PCDHGB4: variants seen among roughly 807,000 people sequenced by gnomAD.
PCDHGB4 encodes protocadherin gamma-B4.
A neutral mutation model predicts 60.5 loss-of-function variants in PCDHGB4; 38 were observed. The ratio of observed to expected loss-of-function variants is 0.63; its 90% CI spans 0.48 to 0.82. The LOEUF is 0.82. Among genes scored for constraint, PCDHGB4 ranks in the 40% least tolerant of loss-of-function variants. The probability of loss-of-function intolerance (pLI) is 0.00; values close to 1 mark genes in which losing one functional copy is unlikely to be tolerated. For missense variants in PCDHGB4, 1,109 were observed against 1,209.6 expected (o/e 0.92, Z 1.23); for synonymous variants, 456 against 509.7 (o/e 0.89, Z 1.42).
chr5:141,400,368 C>T lies in PCDHGB4; in HGVS notation c.2397+10087C>T. On this transcript the variant is annotated intron_variant, in intron 1 of 3. Coordinates refer to ENST00000519479, the MANE Select transcript of PCDHGB4 (RefSeq NM_003736.4). ...ACAGTCAGGGGACTTTGCCTTATTC[C>T]TACAACCTATGTGTTGCACATACAG... is the stretch of plus-strand genomic sequence containing the variant. 8.1e-6 allele frequency: 13 copies of T among 1,614,044 alleles called. No homozygotes were observed. The highest frequency in any genetic ancestry group is 1.6e-4 in the Middle Eastern group (1 of 6,062).
At chr5:141,442,006 G>T (rs540427406) in intron 1 of PCDHGB4, 2 of 229,074 alleles carry the variant, frequency 8.7e-6, no homozygotes, top group South Asian at 4.9e-5. Flanking sequence ...CTGACAGCTC[G>T]CACGATGGGC....
At chr5:141,428,255 G>C in intron 1 of PCDHGB4, 1 of 875,580 alleles carries the variant, frequency 1.1e-6, no homozygotes, top group Non-Finnish European at 1.8e-6. Flanking sequence ...CCAGACTTCA[G>C]TGACAGTCCT....
rs777535962 is a variant in PCDHGB4, at chr5:141,431,195, G to T, written c.2397+40914G>T. The T allele has an allele frequency of 1.2e-6, 2 of 1,614,166 alleles. No homozygotes were observed. Among genetic ancestry groups the T allele is most frequent in the East Asian group, 2.2e-5 (1 of 44,890 alleles). On this transcript the variant is annotated intron_variant, in intron 1 of 3. Transcript: ENST00000519479. The surrounding 1 kb of genome is among the most constrained non-coding windows in gnomAD (Gnocchi z 4.8). ...ATTAGAAATAAAAATTAGTGAAAAT[G>T]CAGCCACTGAGATGCGGTTCCCTCT... is the stretch of plus-strand genomic sequence containing the variant.
intron 1 of PCDHGB4, among the ~76,000 whole-genome samples, chr5:141,456,297 A>G (rs537379475): frequency 6.6e-6 from 1 of 152,274 alleles, no homozygotes; most frequent in African/African-American, 2.4e-5. Context: ...CGTCTAATGG[A>G]GAACAGCAGC....
Position 141,419,013 on chromosome 5 carries a change from G to C in PCDHGB4, c.2397+28732G>C, listed in dbSNP as rs746229802. The C allele has an allele frequency of 6.9e-5, 111 of 1,613,840 alleles. No individual in the cohort carries two copies. In the East Asian group the frequency reaches 2.4e-3, roughly 35 times the overall value. ...GGGGAAAATGGGGAAGTCAGGTGTA[G>C]CTTAAGTAGAGGTGTTCCATTTAAG... is the stretch of plus-strand genomic sequence containing the variant. On this transcript the variant is annotated intron_variant, in intron 1 of 3. Transcript: ENST00000519479.
chr5:141,497,858 C>T (rs920483410), intron 2 of PCDHGB4, among the ~76,000 whole-genome samples: 3 of 152,218 alleles, frequency 2.0e-5, no homozygotes, highest in Non-Finnish European at 2.9e-5. Flanking sequence ...TTTGATTCAG[C>T]GGCTCCAAAG....
chr5:141,398,799 C>T (rs2093705548), intron 1 of PCDHGB4: 3 of 1,613,848 alleles, frequency 1.9e-6, no homozygotes, highest in East Asian at 2.2e-5. Context: ...CCCTAAGCGG[C>T]ACCACTGAGC....
intron 1 of PCDHGB4, chr5:141,414,450 A>C (rs759840643): frequency 9.3e-6 from 15 of 1,613,772 alleles, no homozygotes. Context: ...ACAATATCAC[A>C]GTGACAGCCA....
In PCDHGB4 at chr5:141,486,217, T is replaced by C; in HGVS notation, c.2398-8590T>C. ...TGCTGGACGTAAATGACAATGCCCC[T>C]TACATCACAGTGACCTCAGAGCTTG... On this transcript the variant is annotated intron_variant, in intron 1 of 3. Coordinates refer to ENST00000519479, the MANE Select transcript of PCDHGB4 (RefSeq NM_003736.4). The surrounding 1 kb of genome is among the most constrained non-coding windows in gnomAD (Gnocchi z 5.0). The C allele has an allele frequency of 6.2e-7, 1 of 1,614,120 alleles. No homozygotes were observed.
At chr5:141,488,472 T>C (rs1183465817) in intron 1 of PCDHGB4, among the ~76,000 whole-genome samples, 1 of 152,096 alleles carries the variant, frequency 6.6e-6, no homozygotes, top group East Asian at 1.9e-4. Context: ...CCAGAAATGT[T>C]CCCCTACCCA....
chr5:141,496,251 G>A (rs746722054), intron 2 of PCDHGB4, among the ~76,000 whole-genome samples: 7 of 152,150 alleles, frequency 4.6e-5, no homozygotes, highest in African/African-American at 7.2e-5. Context: ...TGAAGGGGAG[G>A]GAAACTTCAG....
Position 141,490,900 on chromosome 5 carries a change from G to A in PCDHGB4, c.2398-3907G>A, listed in dbSNP as rs2099705863. 2 of 1,613,796 alleles carry A rather than the reference G, an allele frequency of 1.2e-6. No individual in the cohort carries two copies. The highest frequency in any genetic ancestry group is 2.7e-5 in the African/African-American group (2 of 75,050). ...TGCCAACACATCTCTGCATGTGTTT[G>A]TCCTAGACGAGAATGATAATGCCCC... On this transcript the variant is annotated intron_variant, in intron 1 of 3. Transcript: ENST00000519479. The surrounding 1 kb of genome is among the most constrained non-coding windows in gnomAD (Gnocchi z 5.4).
In PCDHGB4 at chr5:141,432,601, G is replaced by A. The variant is rs1313279772; in HGVS notation, c.2397+42320G>A. The A allele has an allele frequency of 5.6e-6, 9 of 1,613,950 alleles. No homozygotes were observed. Among genetic ancestry groups the A allele is most frequent in the Admixed American group, 1.7e-5 (1 of 60,030 alleles). On this transcript the variant is annotated intron_variant, in intron 1 of 3. Transcript: ENST00000519479. The surrounding 1 kb of genome is among the most constrained non-coding windows in gnomAD (Gnocchi z 6.0). ...ACCGTCTGCTCAAGGCCAGCGAGCC[G>A]GGACTCTTCTCGGTGGGTCTGCACA...
At chr5:141,408,271 T>C (rs948446189) in intron 1 of PCDHGB4, 7 of 1,610,858 alleles carry the variant, frequency 4.3e-6, no homozygotes, top group Non-Finnish European at 5.9e-6. Context: ...TGCTGCTGCC[T>C]TTGTTCTACC....
At chr5:141,483,670 A>G (rs1158511173) in intron 1 of PCDHGB4, among the ~76,000 whole-genome samples, 1 of 138,404 alleles carries the variant, frequency 7.2e-6, no homozygotes, top group African/African-American at 3.1e-5. Context: ...GTGTGTGTGT[A>G]AAAGAACACA....
intron 1 of PCDHGB4, among the ~76,000 whole-genome samples, chr5:141,453,322 G>A (rs897661534): frequency 6.6e-6 from 1 of 151,544 alleles, no homozygotes; most frequent in Non-Finnish European, 1.5e-5. Flanking sequence ...TTTTAGAGAT[G>A]GGGTCTCACT....
intron 1 of PCDHGB4, among the ~76,000 whole-genome samples, chr5:141,439,050 A>G (rs1353548752): frequency 1.3e-5 from 2 of 151,164 alleles, no homozygotes; most frequent in Non-Finnish European, 2.9e-5. Flanking sequence ...TAAGATTTCC[A>G]TATTGTGTGG....
At chr5:141,433,853 A>G (rs934981508) in intron 1 of PCDHGB4, among the ~76,000 whole-genome samples, 1 of 152,026 alleles carries the variant, frequency 6.6e-6, no homozygotes, top group Non-Finnish European at 1.5e-5. Flanking sequence ...AAAAAAAAAA[A>G]AACTTTATCC....
chr5:141,403,333 C>G (rs376895778), intron 1 of PCDHGB4: 1 of 1,613,984 alleles, frequency 6.2e-7, no homozygotes, highest in South Asian at 1.1e-5. Context: ...CTGATATTAA[C>G]GACAGCGCCC....
Sources: gnomAD v4.1 joint callset for allele counts (sites outside exome capture counted in the v4.1 genomes callset) on GRCh38, gnomAD v4.1.1 for gene constraint, Gnocchi (gnomAD v3.1) non-coding constraint, MANE v1.5 for transcripts, NCBI Gene and HGNC (gene_info 2026-07-23, HGNC 2026-07-21) for gene names.